NSD3: variants seen among roughly 807,000 people sequenced by gnomAD.
The protein encoded by NSD3 is histone-lysine N-methyltransferase NSD3.
NSD3 carries 24 observed loss-of-function variants against 160.8 expected under a neutral mutation model. The ratio of observed to expected loss-of-function variants is 0.15; its 90% confidence interval spans 0.11 to 0.21. The LOEUF is 0.21. NSD3 is among the 10% of genes least tolerant of loss of function. The pLI is 1.00. For missense variants in NSD3, 1,157 were observed against 1,735.9 expected (o/e 0.67, Z 5.93); for synonymous variants, 520 against 600.0 (o/e 0.87, Z 1.95).
intron 20 of NSD3, 35 bp from the exon 21 acceptor site, chr8:38,279,716 A>C: frequency 6.3e-7 from 1 of 1,594,440 alleles, no homozygotes; most frequent in Non-Finnish European, 8.6e-7. Flanking sequence ...TTTTACATAA[A>C]TTAAGTCTCT....
chr8:38,295,120 G>A (rs1390071621), intron 16 of NSD3, among the ~76,000 whole-genome samples: 2 of 129,246 alleles, frequency 1.5e-5, no homozygotes, highest in African/African-American at 2.9e-5. Flanking sequence ...CTCCAGCCTG[G>A]ACGACAAAGC....
rs373932049 is a variant in NSD3 at position 38,338,503 on chromosome 8, T to C, written c.747+33A>G. 9 of 1,551,756 alleles carry C rather than the reference T, an allele frequency of 5.8e-6. No homozygotes were observed. The African/African-American group carries it at 1.1e-4, about 19-fold the overall frequency. ...CTGTGTTTCACCTTCTTCCACCATA[T>C]TTGGTTAGACAGTATTCAGTAAAAC... is the stretch of plus-strand genomic sequence containing the variant. On this transcript the variant is annotated intron_variant, in intron 3 of 23. Transcript: ENST00000317025.
intron 1 of NSD3, among the ~76,000 whole-genome samples, chr8:38,371,054 C>A (rs770096144): frequency 6.6e-6 from 1 of 151,806 alleles, no homozygotes; most frequent in Non-Finnish European, 1.5e-5. Flanking sequence ...CACACCTGTA[C>A]ACTGAAATTC....
chr8:38,283,847 A>C (rs1808791348), intron 19 of NSD3, among the ~76,000 whole-genome samples: 1 of 152,108 alleles, frequency 6.6e-6, no homozygotes, highest in Non-Finnish European at 1.5e-5. Flanking sequence ...CTCATGCTGT[A>C]ATCCTAGCAC....
chr8:38,372,566 G>A lies in NSD3; in HGVS notation c.-45+9233C>T, dbSNP rs999185641. Among the ~76,000 whole-genome samples the A allele has an allele frequency of 2.7e-5, 4 of 148,186 alleles. No homozygotes were observed. In the Admixed American group the frequency reaches 2.7e-4, roughly 10 times the overall value. On this transcript the variant is annotated intron_variant, in intron 1 of 23. Transcript: ENST00000317025. The stretch of plus-strand genomic sequence containing the variant: ...CTGGCGTGTGAGGTGACGTAATCTC[G>A]GCTCATTGCAACCTCCGCCTCCCGG...
chr8:38,278,255 G>T, intron 22 of NSD3, 51 bp downstream of exon 22: 1 of 1,554,222 alleles, frequency 6.4e-7, no homozygotes, highest in Non-Finnish European at 8.8e-7. Context: ...CTTCTTAACA[G>T]CCCTACTCCT....
At chr8:38,354,868 G>A (rs564736703) in intron 1 of NSD3, among the ~76,000 whole-genome samples, 2 of 152,204 alleles carry the variant, frequency 1.3e-5, no homozygotes, top group Admixed American at 6.5e-5. Flanking sequence ...GGGCCACATT[G>A]TTATATTTTC....
chr8:38,332,979 T>G (rs1810103098), intron 4 of NSD3, among the ~76,000 whole-genome samples: 1 of 152,110 alleles, frequency 6.6e-6, no homozygotes, highest in Non-Finnish European at 1.5e-5. Flanking sequence ...CATCTGAGAA[T>G]AAAGACCCAA....
chr8:38,296,856 C>T (rs941217207), intron 15 of NSD3, among the ~76,000 whole-genome samples: 5 of 152,026 alleles, frequency 3.3e-5, no homozygotes, highest in African/African-American at 9.7e-5. Context: ...GGATTACAGG[C>T]GTGAGCCACC....
At chr8:38,333,893 T>A (rs749103042) in intron 4 of NSD3, among the ~76,000 whole-genome samples, 3 of 151,858 alleles carry the variant, frequency 2.0e-5, no homozygotes, top group Non-Finnish European at 4.4e-5. Flanking sequence ...AAAAAAAAAA[T>A]ACTGACTAAT....
chr8:38,280,755 C>CTT (rs780082168), intron 20 of NSD3, among the ~76,000 whole-genome samples: 2 of 138,646 alleles, frequency 1.4e-5, no homozygotes, highest in African/African-American at 2.6e-5. Context: ...TCATTATTTT[C>CTT]TTTTTTTTTT....
rs368126676 is a variant in NSD3, at chr8:38,344,854, C to A, written c.675+2643G>T. On this transcript the variant is annotated intron_variant, in intron 2 of 23. Transcript: ENST00000317025. ...CTTCTCAGTTCTCTACAATGCTAAACACCAAGGGCTGGGACCCCTATGGAC... is the reference window on the plus strand; with the variant it reads ...CTTCTCAGTTCTCTACAATGCTAAAAACCAAGGGCTGGGACCCCTATGGAC... 8.5e-5 allele frequency among the ~76,000 whole-genome samples: 13 copies of A among 152,184 alleles called. No individual in the cohort carries two copies. In the East Asian group the frequency reaches 1.9e-3, roughly 23 times the overall value.
intron 2 of NSD3, among the ~76,000 whole-genome samples, chr8:38,341,047 G>A (rs1281182396): frequency 6.6e-6 from 1 of 152,046 alleles, no homozygotes; most frequent in Non-Finnish European, 1.5e-5. Flanking sequence ...GCTGAGGCAG[G>A]AGAACCGCTT....
chr8:38,280,167 G>A (rs1442425486), intron 20 of NSD3: 1 of 154,740 alleles, frequency 6.5e-6, no homozygotes, highest in East Asian at 1.9e-4. Context: ...GGACTACTGT[G>A]TAGGATATAT....
At chr8:38,301,495 G>A (rs537908106) in intron 14 of NSD3, among the ~76,000 whole-genome samples, 1 of 152,262 alleles carries the variant, frequency 6.6e-6, no homozygotes, top group Admixed American at 6.5e-5. Context: ...CAGGAGAATC[G>A]CTTGAACCCA....
chr8:38,335,936 T>C (rs1346253959), intron 4 of NSD3: 1 of 152,248 alleles, frequency 6.6e-6, no homozygotes, highest in Non-Finnish European at 1.5e-5. Context: ...TGCTGGTTTT[T>C]CACTTCTGCC....
Position 38,329,283 on chromosome 8 carries a change from G to A in NSD3, c.1581+95C>T. On this transcript the variant is annotated intron_variant, in intron 6 of 23. Coordinates refer to ENST00000317025, the MANE Select transcript of NSD3 (RefSeq NM_023034.2). This position sits in a 1 kb window ranked among gnomAD's most constrained non-coding sequence, Gnocchi z 4.8. ...GTTTCAAATTCAGTGGGTAGAAAGGGTATTTAAATTATGCCAAGGTCATTG... is the reference window on the plus strand; with the variant it reads ...GTTTCAAATTCAGTGGGTAGAAAGGATATTTAAATTATGCCAAGGTCATTG... The A allele has an allele frequency of 1.4e-6, 2 of 1,385,860 alleles. No homozygotes were observed. The highest frequency in any genetic ancestry group is 2.3e-5 in the Admixed American group (1 of 42,892). 85.8% of individuals were successfully genotyped at this position (1,385,860 alleles called of 1,614,324 possible).
rs2130976320 is a variant in NSD3 at position 38,273,358 on chromosome 8, T to C, written c.*2283A>G. 1 of 152,296 alleles carries C rather than the reference T, an allele frequency of 6.6e-6. No individual in the cohort carries two copies. The highest frequency in any genetic ancestry group is 1.5e-5 in the Non-Finnish European group (1 of 68,026). The allele number at this position is 152,296 out of a possible 1,614,324, so 9.4% of individuals were successfully genotyped here. A position where few individuals can be genotyped will look rare whatever the true frequency, so the allele number is the denominator to read the frequency against. ...AACAATCCTATTAATCATAATTTTT[T>C]TTTAATTTCAGCAGAGCTCTGTTAC... On this transcript the variant is annotated 3_prime_UTR_variant, in exon 24 of 24. Coordinates refer to ENST00000317025, the MANE Select transcript of NSD3 (RefSeq NM_023034.2).
At position 38,299,607 on chromosome 8, in the gene NSD3, G is replaced by T; in HGVS notation, c.2612-17C>A. ...CTATCAGCCCTATACGAAACAAACA[G>T]AAAGAGATGAGCTGCAATGAAACTA... On this transcript the variant is annotated splice_polypyrimidine_tract_variant and intron_variant, in intron 14 of 23. Coordinates refer to ENST00000317025, the MANE Select transcript of NSD3 (RefSeq NM_023034.2). 1 of 1,507,586 alleles carries T rather than the reference G, an allele frequency of 6.6e-7. No homozygotes were observed. Among genetic ancestry groups the T allele is most frequent in the Non-Finnish European group, 8.9e-7 (1 of 1,128,156 alleles). The allele number at this position is 1,507,586 out of a possible 1,614,324, so 93.4% of individuals were successfully genotyped here. A position where few individuals can be genotyped will look rare whatever the true frequency, so the allele number is the denominator to read the frequency against.
Sources: gnomAD v4.1 joint callset for allele counts (sites outside exome capture counted in the v4.1 genomes callset) on GRCh38, gnomAD v4.1.1 for gene constraint, Gnocchi (gnomAD v3.1) non-coding constraint, MANE v1.5 for transcripts, NCBI Gene and HGNC (gene_info 2026-07-23, HGNC 2026-07-21) for gene names.